Variants in ARHGAP15 observed in about 807,000 individuals in gnomAD.
The protein encoded by ARHGAP15 is rho GTPase-activating protein 15.
In ARHGAP15, 51 loss-of-function variants were observed where a neutral mutation model predicts 63.7. The ratio of observed to expected loss-of-function variants is 0.80; its 90% CI spans 0.64 to 1.01. The LOEUF is 1.01. Ranked by LOEUF, ARHGAP15 falls within the 50% of genes least tolerant of loss-of-function variation. ARHGAP15 has a pLI of 0.00. For synonymous variants in ARHGAP15, 191 were observed against 193.8 expected (o/e 0.99, Z 0.12); for missense variants, 560 against 564.6 (o/e 0.99, Z 0.08).
chr2:143,423,318 T>A (rs1689008154), intron 6 of ARHGAP15, among the ~76,000 whole-genome samples: 1 of 150,780 alleles, frequency 6.6e-6, no homozygotes, highest in South Asian at 2.1e-4. Context: ...TGCTTTCCTC[T>A]TTACTAGTAT....
At chr2:143,258,832 A>AGG (rs1680560644) in intron 6 of ARHGAP15, among the ~76,000 whole-genome samples, 2 of 152,174 alleles carry the variant, frequency 1.3e-5, no homozygotes, top group Non-Finnish European at 2.9e-5. Context: ...CCTCAGCCTC[A>AGG]TCAATTTACC....
intron 11 of ARHGAP15, among the ~76,000 whole-genome samples, chr2:143,587,279 A>G (rs1439898562): frequency 6.6e-6 from 1 of 152,188 alleles, no homozygotes; most frequent in Non-Finnish European, 1.5e-5. Flanking sequence ...ATCTTGGTGC[A>G]GACTTCGATT....
chr2:143,583,033 G>T (rs116816136), intron 11 of ARHGAP15, among the ~76,000 whole-genome samples: 1,977 of 152,234 alleles, frequency 0.013, 39 homozygotes, highest in African/African-American at 0.045. Context: ...AGTGTACATT[G>T]GCTACGTCTA....
At chr2:143,426,370 A>G (rs1302954338) in intron 6 of ARHGAP15, among the ~76,000 whole-genome samples, 3 of 152,120 alleles carry the variant, frequency 2.0e-5, no homozygotes, top group East Asian at 3.9e-4. Flanking sequence ...TTAGCATCCT[A>G]AGAGAAGTAG....
chr2:143,733,372 AAG>A (rs1685623109), intron 13 of ARHGAP15, among the ~76,000 whole-genome samples: 1 of 152,164 alleles, frequency 6.6e-6, no homozygotes, highest in African/African-American at 2.4e-5. Flanking sequence ...CAGATCCCTG[AAG>A]AGTCTTTTTC....
chr2:143,299,398 A>G (rs1422291691), intron 6 of ARHGAP15, among the ~76,000 whole-genome samples: 3 of 151,946 alleles, frequency 2.0e-5, no homozygotes, highest in Admixed American at 2.0e-4. Context: ...AATATTTACC[A>G]CACTTTCTCA....
intron 6 of ARHGAP15, among the ~76,000 whole-genome samples, chr2:143,298,231 T>A (rs1006176364): frequency 1.3e-4 from 19 of 151,956 alleles, no homozygotes; most frequent in African/African-American, 4.6e-4. Context: ...TATAGAGATA[T>A]TAGTACTTCA....
intron 1 of ARHGAP15, among the ~76,000 whole-genome samples, chr2:143,151,533 G>A (rs1689816709): frequency 6.6e-6 from 1 of 151,954 alleles, no homozygotes; most frequent in African/African-American, 2.4e-5. Flanking sequence ...ATATAACATT[G>A]TGTTAGCTAG....
intron 11 of ARHGAP15, among the ~76,000 whole-genome samples, chr2:143,562,964 T>A (rs922513232): frequency 6.6e-6 from 1 of 152,124 alleles, no homozygotes; most frequent in African/African-American, 2.4e-5. Context: ...ATACCACACA[T>A]TTACCGTGGA....
At chr2:143,148,560 A>T (rs942376509) in intron 1 of ARHGAP15, among the ~76,000 whole-genome samples, 2 of 151,726 alleles carry the variant, frequency 1.3e-5, no homozygotes, top group Non-Finnish European at 2.9e-5. Context: ...AGTGATAATA[A>T]CTGTATTACA....
At chr2:143,273,137 T>A (rs1681377670) in intron 6 of ARHGAP15, among the ~76,000 whole-genome samples, 1 of 152,174 alleles carries the variant, frequency 6.6e-6, no homozygotes, top group African/African-American at 2.4e-5. Context: ...ATCATTATTC[T>A]ATTGCTATTT....
chr2:143,227,558 T>A (rs888420392), intron 4 of ARHGAP15, among the ~76,000 whole-genome samples: 7 of 152,206 alleles, frequency 4.6e-5, no homozygotes, highest in Admixed American at 3.9e-4. Context: ...TTTTGACTTC[T>A]AATTAATGGA....
At chr2:143,628,780 T>A (rs1698945187) in intron 12 of ARHGAP15, among the ~76,000 whole-genome samples, 1 of 152,212 alleles carries the variant, frequency 6.6e-6, no homozygotes, top group Admixed American at 6.5e-5. Flanking sequence ...ATTAATTCCC[T>A]TTGTTGGTGT....
At chr2:143,643,427 A>ACC (rs10540732) in intron 12 of ARHGAP15, among the ~76,000 whole-genome samples, 2,070 of 128,080 alleles carry the variant, frequency 0.016, 23 homozygotes, top group Non-Finnish European at 0.023. Flanking sequence ...CCCTCCACCC[A>ACC]CCCCCCCCCA....
chr2:143,155,655 T>G lies in ARHGAP15; in HGVS notation c.165T>G (p.Pro55=). Residue 55 remains proline, a splice_region_variant and synonymous_variant, in exon 2 of 14, where the codon CCT becomes CCG. Transcript: ENST00000295095. The part of the protein sequence containing the change: ...ILTDVGKVTE[P]ISRHRRNHSQ... The stretch of plus-strand genomic sequence containing the variant: ...CCGATGTCGGGAAGGTCACTGAACC[T>G]GTAAGTCAAATACCCCAAATATCCC... The G allele has an allele frequency of 6.4e-7, 1 of 1,554,192 alleles. No homozygotes were observed. The highest frequency in any genetic ancestry group is 8.6e-7 in the Non-Finnish European group (1 of 1,156,468).
At chr2:143,141,295 A>G (rs1232221850) in intron 1 of ARHGAP15, among the ~76,000 whole-genome samples, 2 of 152,100 alleles carry the variant, frequency 1.3e-5, no homozygotes, top group East Asian at 1.9e-4. Flanking sequence ...GAATGAATAT[A>G]CCAATTTCAG....
chr2:143,630,015 G>A (rs1352042390), intron 12 of ARHGAP15, among the ~76,000 whole-genome samples: 2 of 152,088 alleles, frequency 1.3e-5, no homozygotes, highest in Non-Finnish European at 2.9e-5. Context: ...CCAAGTATCT[G>A]TATTTTATAT....
At chr2:143,660,469 G>A (rs1053433775) in intron 12 of ARHGAP15, among the ~76,000 whole-genome samples, 1 of 152,198 alleles carries the variant, frequency 6.6e-6, no homozygotes, top group Admixed American at 6.5e-5. Context: ...GGTTTAACCT[G>A]TCTAAGAATC....
rs368305565 is a variant in ARHGAP15 at position 143,248,263 on chromosome 2, TAAG to T, written c.385-2244_385-2242del. Among the ~76,000 whole-genome samples the T allele has an allele frequency of 2.5e-3, 374 of 152,182 alleles. 1 individual carries two copies. The South Asian group carries it at 0.027, about 11-fold the overall frequency. On this transcript the variant is annotated intron_variant, in intron 5 of 13. Coordinates refer to ENST00000295095, the MANE Select transcript of ARHGAP15 (RefSeq NM_018460.4). ...TGACATTTAACTGGGAACTGAAGGA[TAAG>T]AAGGAGCCAGCCGTGTGAAGATTGG...
Sources: gnomAD v4.1 joint callset for allele counts (sites outside exome capture counted in the v4.1 genomes callset) on GRCh38, gnomAD v4.1.1 for gene constraint, MANE v1.5 for transcripts, NCBI Gene and HGNC (gene_info 2026-07-23, HGNC 2026-07-21) for gene names.